PTPRD: variants seen among roughly 807,000 people sequenced by gnomAD.
PTPRD encodes the protein protein tyrosine phosphatase receptor type D, also known as receptor-type tyrosine-protein phosphatase delta.
In PTPRD, 34 loss-of-function variants were observed where a neutral mutation model predicts 214.5. The observed-to-expected ratio is 0.16, with a 90% CI of 0.12 to 0.21. The LOEUF is 0.21. Ranked by LOEUF, PTPRD falls within the 10% of genes least tolerant of loss-of-function variation. The pLI, the probability that PTPRD is intolerant of heterozygous loss-of-function variation, is 1.00. For missense variants in PTPRD, 2,545 were observed against 2,398.7 expected (o/e 1.06, Z -1.27); for synonymous variants, 1,128 against 845.7 (o/e 1.33, Z -5.79).
intron 12 of PTPRD, among the ~76,000 whole-genome samples, chr9:8,712,958 ATCCCCC>A (rs1442828215): frequency 1.3e-5 from 2 of 152,126 alleles, no homozygotes; most frequent in Non-Finnish European, 2.9e-5. Context: ...ACCTCAGGTG[ATCCCCC>A]TGCCTCGGCC....
At chr9:8,522,326 G>C (rs6477314) in intron 19 of PTPRD, among the ~76,000 whole-genome samples, 1 of 151,928 alleles carries the variant, frequency 6.6e-6, no homozygotes, top group Admixed American at 6.6e-5. Flanking sequence ...AGAAATAAAC[G>C]TGAAAGGGGG....
chr9:9,711,868 G>A (rs2097738909), intron 7 of PTPRD, among the ~76,000 whole-genome samples: 1 of 152,172 alleles, frequency 6.6e-6, no homozygotes, highest in African/African-American at 2.4e-5. Flanking sequence ...CTGATTCAGA[G>A]TCATGGCATG....
intron 3 of PTPRD, among the ~76,000 whole-genome samples, chr9:10,178,679 G>C (rs1352460070): frequency 2.6e-5 from 4 of 151,924 alleles, no homozygotes; most frequent in Non-Finnish European, 5.9e-5. Flanking sequence ...GATACATCAG[G>C]ATTTCTCAGA....
chr9:10,484,490 T>C (rs2099119933), intron 2 of PTPRD, among the ~76,000 whole-genome samples: 1 of 152,132 alleles, frequency 6.6e-6, no homozygotes, highest in South Asian at 2.1e-4. Flanking sequence ...TTGTATTATT[T>C]ACATTCTCAC....
chr9:10,474,171 T>A (rs1056093350), intron 2 of PTPRD, among the ~76,000 whole-genome samples: 2 of 152,076 alleles, frequency 1.3e-5, no homozygotes, highest in East Asian at 3.9e-4. Flanking sequence ...AAATGCCCAA[T>A]TAAAAGACAC....
At chr9:9,799,288 G>C (rs573484075) in intron 5 of PTPRD, 6 of 152,200 alleles carry the variant, frequency 3.9e-5, no homozygotes, top group African/African-American at 1.4e-4. Flanking sequence ...CTTACAGAGA[G>C]AGCAATTATA....
chr9:8,666,488 T>C (rs1472371095), intron 12 of PTPRD, among the ~76,000 whole-genome samples: 1 of 152,212 alleles, frequency 6.6e-6, no homozygotes, highest in Admixed American at 6.5e-5. Context: ...TGGCTTCATA[T>C]CAGAAAGCCC....
chr9:10,387,566 C>T (rs2097943571), intron 2 of PTPRD, among the ~76,000 whole-genome samples: 1 of 151,708 alleles, frequency 6.6e-6, no homozygotes, highest in African/African-American at 2.4e-5. Context: ...ATTGTGGATC[C>T]ACTTCACCAG....
intron 3 of PTPRD, among the ~76,000 whole-genome samples, chr9:10,266,696 A>G (rs1394033691): frequency 6.6e-6 from 1 of 152,118 alleles, no homozygotes; most frequent in African/African-American, 2.4e-5. Context: ...AGAGGAAACT[A>G]TAGTTTCAGG....
chr9:9,394,877 G>T (rs1326668368), intron 9 of PTPRD, among the ~76,000 whole-genome samples: 1 of 152,088 alleles, frequency 6.6e-6, no homozygotes, highest in South Asian at 2.1e-4. Flanking sequence ...CTCCTTCCAT[G>T]CTCTATATTT....
intron 9 of PTPRD, among the ~76,000 whole-genome samples, chr9:9,207,056 GATTT>G (rs2099945303): frequency 6.6e-6 from 1 of 152,148 alleles, no homozygotes; most frequent in Admixed American, 6.6e-5. Flanking sequence ...GAAGATTCTG[GATTT>G]ATTTTGAAAG....
intron 9 of PTPRD, among the ~76,000 whole-genome samples, chr9:9,275,108 T>TTA (rs1174968792): frequency 3.2e-4 from 22 of 69,724 alleles, no homozygotes; most frequent in South Asian, 1.7e-3. Flanking sequence ...ATATAATATA[T>TTA]TATATATATA....
intron 3 of PTPRD, among the ~76,000 whole-genome samples, chr9:10,180,054 C>T (rs1173019662): frequency 7.1e-6 from 1 of 141,516 alleles, no homozygotes; most frequent in Non-Finnish European, 1.6e-5. Flanking sequence ...TAGAGACTTA[C>T]AATTTTTAAC....
chr9:8,469,075 T>C (rs1191450456), intron 31 of PTPRD, among the ~76,000 whole-genome samples: 2 of 152,082 alleles, frequency 1.3e-5, no homozygotes, highest in African/African-American at 4.8e-5. Context: ...GACCCAAAAA[T>C]TTTGAATTAA....
intron 11 of PTPRD, chr9:8,862,217 G>A (rs111276246): frequency 0.042 from 6,460 of 152,160 alleles, 338 homozygotes; most frequent in African/African-American, 0.12. Context: ...TTATCTGGGC[G>A]TGGTGGCACG....
In PTPRD at chr9:9,406,935, G is replaced by T. The variant is rs2073671402; in HGVS notation, c.-236-9453C>A. On this transcript the variant is annotated intron_variant, in intron 8 of 45. Transcript: ENST00000381196. ...TTATAATGCTGAGCACTGGAGCTCTGGAGCTCAACAGATTAGATTTGAATT... is the reference window on the plus strand; with the variant it reads ...TTATAATGCTGAGCACTGGAGCTCTTGAGCTCAACAGATTAGATTTGAATT... Among the ~76,000 whole-genome samples the T allele has an allele frequency of 6.0e-5, 9 of 150,612 alleles. No individual in the cohort carries two copies. The South Asian group carries it at 1.9e-3, about 31-fold the overall frequency.
At chr9:10,007,681 A>G (rs2096513627) in intron 4 of PTPRD, among the ~76,000 whole-genome samples, 1 of 152,032 alleles carries the variant, frequency 6.6e-6, no homozygotes, top group African/African-American at 2.4e-5. Context: ...TAAGCCACCT[A>G]CAACCCCATG....
chr9:9,821,275 A>G (rs1390576341), intron 5 of PTPRD, among the ~76,000 whole-genome samples: 1 of 152,092 alleles, frequency 6.6e-6, no homozygotes, highest in Non-Finnish European at 1.5e-5. Flanking sequence ...GTACCCTGAA[A>G]CTTTACTGAA....
chr9:8,853,580 T>C (rs1029205501), intron 11 of PTPRD, among the ~76,000 whole-genome samples: 1 of 152,206 alleles, frequency 6.6e-6, no homozygotes, highest in South Asian at 2.1e-4. Flanking sequence ...CACTGTGCCA[T>C]GAAATTACAG....
Sources: gnomAD v4.1 joint callset for allele counts (sites outside exome capture counted in the v4.1 genomes callset) on GRCh38, gnomAD v4.1.1 for gene constraint, MANE v1.5 for transcripts, NCBI Gene and HGNC (gene_info 2026-07-23, HGNC 2026-07-21) for gene names.